OCA2: variants seen among roughly 807,000 people sequenced by gnomAD.
The protein encoded by OCA2 is OCA2 melanosomal transmembrane protein.
Under a neutral mutation model 100.2 loss-of-function variants are expected in OCA2, and 77 were observed. That is an observed-to-expected ratio of 0.77 (90% CI 0.64 to 0.93). The LOEUF (loss-of-function observed/expected upper bound fraction) is 0.93. OCA2 is among the 40% of genes least tolerant of loss of function. The probability of loss-of-function intolerance (pLI) is 0.00; values close to 1 mark genes in which losing one functional copy is unlikely to be tolerated. For missense variants in OCA2, 1,062 were observed against 1,089.1 expected (o/e 0.98, Z 0.35); for synonymous variants, 432 against 439.2 (o/e 0.98, Z 0.21).
At position 27,870,808 on chromosome 15, in the gene OCA2, GAA is replaced by G. The variant is rs10578897; in HGVS notation, c.2244+344_2244+345del. Among the ~76,000 whole-genome samples, 29,550 of 120,984 alleles carry G rather than the reference GAA, an allele frequency of 0.24. 3,943 individuals are homozygous for G. Among genetic ancestry groups the G allele is most frequent in the East Asian group, 0.57 (2,839 of 4,956 alleles). The allele number at this position is 120,984 out of a possible 152,430, so 79.4% of individuals were successfully genotyped here. A position where few individuals can be genotyped will look rare whatever the true frequency, so the allele number is the denominator to read the frequency against. ...AAAGAAAAAGAAAGAAAGAAAGAAA[GAA>G]AGAGAGAGAGAAAGAAAGAAAGAGA... is the stretch of plus-strand genomic sequence containing the variant. On this transcript the variant is annotated intron_variant, in intron 21 of 23. Transcript: ENST00000354638.
At chr15:27,731,852 C>G in the OCA2 span, among the ~76,000 whole-genome samples, 1 of 152,198 alleles carries the variant, frequency 6.6e-6, no homozygotes, top group Non-Finnish European at 1.5e-5. Context: ...AACATACCAG[C>G]ATCCCCAGTG....
intron 2 of OCA2, among the ~76,000 whole-genome samples, chr15:28,063,905 G>A (rs1163400617): frequency 6.6e-6 from 1 of 152,004 alleles, no homozygotes; most frequent in African/African-American, 2.4e-5. Context: ...TTTTCCTTAT[G>A]TGGATTTGAG....
Position 27,776,190 on chromosome 15 carries a change from G to A in OCA2, c.2433-20718C>T, listed in dbSNP as rs1050974126. ...AAATAGTTTCTCCCTGGCTTGCTGC[G>A]GTTCCGGCCCATGGTGCTGTGTGCA... On this transcript the variant is annotated intron_variant, in intron 23 of 23. Transcript: ENST00000354638. Among the ~76,000 whole-genome samples, 24 of 152,244 alleles carry A rather than the reference G, an allele frequency of 1.6e-4. No homozygotes were observed. The East Asian group carries it at 2.1e-3, about 13-fold the overall frequency.
the OCA2 span, among the ~76,000 whole-genome samples, chr15:27,736,195 G>A: frequency 1.3e-5 from 2 of 152,286 alleles, no homozygotes; most frequent in African/African-American, 4.8e-5. Flanking sequence ...TTGAAATTGT[G>A]TATTACATAT....
At chr15:27,882,983 T>C (rs919549399) in intron 19 of OCA2, among the ~76,000 whole-genome samples, 1 of 152,188 alleles carries the variant, frequency 6.6e-6, no homozygotes, top group African/African-American at 2.4e-5. Flanking sequence ...CTCTGGGCCT[T>C]TGCTGGGCTG....
chr15:27,768,382 C>T (rs4778118), intron 23 of OCA2, among the ~76,000 whole-genome samples: 26,070 of 152,176 alleles, frequency 0.17, 2,908 homozygotes, highest in East Asian at 0.58. Flanking sequence ...CTCCTCCTCT[C>T]CTGCCCCCAC....
intron 9 of OCA2, among the ~76,000 whole-genome samples, chr15:27,997,224 A>G (rs2041776922): frequency 1.6e-5 from 2 of 124,402 alleles, no homozygotes; most frequent in Non-Finnish European, 3.8e-5. Flanking sequence ...AAGGAAAGAA[A>G]GAAAGGAAGG....
intron 18 of OCA2, among the ~76,000 whole-genome samples, chr15:27,940,448 C>T (rs2039608538): frequency 6.6e-6 from 1 of 152,176 alleles, no homozygotes; most frequent in South Asian, 2.1e-4. Flanking sequence ...CAGTTCTATC[C>T]CCTGTCTCTT....
chr15:28,052,022 C>T (rs960948911), intron 2 of OCA2, among the ~76,000 whole-genome samples: 2 of 152,110 alleles, frequency 1.3e-5, no homozygotes, highest in African/African-American at 2.4e-5. Context: ...TGGGCCTGGC[C>T]GGGTAACCCA....
chr15:27,822,413 A>G (rs1394667306), intron 23 of OCA2, among the ~76,000 whole-genome samples: 1 of 152,238 alleles, frequency 6.6e-6, no homozygotes, highest in Non-Finnish European at 1.5e-5. Flanking sequence ...TTCTTAAGTG[A>G]AAACAGAGTG....
intron 14 of OCA2, among the ~76,000 whole-genome samples, chr15:27,970,498 TGAA>T (rs1342935298): frequency 6.6e-6 from 1 of 151,224 alleles, no homozygotes; most frequent in Non-Finnish European, 1.5e-5. Flanking sequence ...TGGGAAAATA[TGAA>T]GAAGGTCCCA....
At chr15:27,736,629 G>C in the OCA2 span, among the ~76,000 whole-genome samples, 1 of 152,182 alleles carries the variant, frequency 6.6e-6, no homozygotes, top group Non-Finnish European at 1.5e-5. Context: ...CCATTAGTAT[G>C]TTTACAAATA....
chr15:27,773,769 T>G (rs1021375614), intron 23 of OCA2, among the ~76,000 whole-genome samples: 2 of 152,256 alleles, frequency 1.3e-5, no homozygotes, highest in Non-Finnish European at 2.9e-5. Flanking sequence ...GATCTGAAAC[T>G]GGAGCTTTGG....
intron 23 of OCA2, among the ~76,000 whole-genome samples, chr15:27,824,602 C>CTCTCTCTCTCTATATATA: frequency 9.9e-4 from 47 of 47,596 alleles, no homozygotes; most frequent in East Asian, 0.019. Flanking sequence ...CTCTCTCTCT[C>CTCTCTCTCTCTATATATA]TATATATATA....
chr15:27,932,501 A>T (rs1393937640), intron 18 of OCA2, among the ~76,000 whole-genome samples: 2 of 152,148 alleles, frequency 1.3e-5, no homozygotes, highest in Non-Finnish European at 2.9e-5. Context: ...CGGTGGGGGC[A>T]GGCAGAGATA....
intron 23 of OCA2, among the ~76,000 whole-genome samples, chr15:27,817,064 T>C (rs1194197277): frequency 1.3e-5 from 2 of 152,194 alleles, no homozygotes; most frequent in African/African-American, 4.8e-5. Flanking sequence ...ACCCAGGCCA[T>C]GGCCGTCCCT....
At chr15:27,979,869 T>G (rs1336097186) in intron 14 of OCA2, among the ~76,000 whole-genome samples, 3 of 24,562 alleles carry the variant, frequency 1.2e-4, no homozygotes, top group Admixed American at 3.6e-4. Context: ...CCAGCTAGTG[T>G]TTTTTTTTTT....
At chr15:28,019,835 TC>T (rs1566805750) in intron 6 of OCA2, among the ~76,000 whole-genome samples, 5 of 152,022 alleles carry the variant, frequency 3.3e-5, no homozygotes, top group Admixed American at 3.3e-4. Context: ...TGGCTTCCCC[TC>T]CTCCCCAGGC....
intron 19 of OCA2, among the ~76,000 whole-genome samples, chr15:27,904,974 G>A (rs1203928380): frequency 1.3e-5 from 2 of 152,142 alleles, no homozygotes; most frequent in Non-Finnish European, 2.9e-5. Flanking sequence ...GACCAGACTG[G>A]CCAACATGGC....
Sources: gnomAD v4.1 joint callset for allele counts (sites outside exome capture counted in the v4.1 genomes callset) on GRCh38, gnomAD v4.1.1 for gene constraint, MANE v1.5 for transcripts, NCBI Gene and HGNC (gene_info 2026-07-23, HGNC 2026-07-21) for gene names.